The following NKAIN3 variants were observed in gnomAD, a reference collection of about 807,000 sequenced individuals.
NKAIN3 encodes sodium/potassium transporting ATPase interacting 3, also known as sodium/potassium-transporting ATPase subunit beta-1-interacting protein 3.
In NKAIN3, 25 loss-of-function variants were observed where a neutral mutation model predicts 30.2. The observed-to-expected ratio is 0.83, with a 90% CI of 0.60 to 1.16. The LOEUF is 1.16. Ranked by LOEUF, NKAIN3 falls within the 50% of genes most tolerant of loss-of-function variation. The probability of loss-of-function intolerance (pLI) is 0.00; values close to 1 mark genes in which losing one functional copy is unlikely to be tolerated. For synonymous variants in NKAIN3, 91 were observed against 89.6 expected (o/e 1.02, Z -0.09); for missense variants, 225 against 254.1 (o/e 0.89, Z 0.78).
At chr8:62,856,538 C>T (rs1248600292) in intron 4 of NKAIN3, 3 of 781,296 alleles carry the variant, frequency 3.8e-6, no homozygotes, top group East Asian at 2.4e-5. Context: ...TTGGTCCTGG[C>T]TCAGCTGGCT....
intron 1 of NKAIN3, among the ~76,000 whole-genome samples, chr8:62,280,453 A>C (rs1430589367): frequency 6.6e-6 from 1 of 152,084 alleles, no homozygotes; most frequent in African/African-American, 2.4e-5. Context: ...ATCTTGTGCC[A>C]GTTTTCAAAG....
intron 4 of NKAIN3, among the ~76,000 whole-genome samples, chr8:62,775,655 A>G (rs1160887706): frequency 8.6e-5 from 13 of 151,954 alleles, no homozygotes; most frequent in Admixed American, 8.5e-4. Flanking sequence ...TTCTTTATTG[A>G]CCCACTGGTC....
chr8:62,627,119 A>C (rs1162810909), intron 3 of NKAIN3, among the ~76,000 whole-genome samples: 1 of 152,162 alleles, frequency 6.6e-6, no homozygotes, highest in South Asian at 2.1e-4. Flanking sequence ...CAGAATACAC[A>C]ATCGTGAATG....
chr8:62,297,021 G>T (rs1010695633), intron 1 of NKAIN3, among the ~76,000 whole-genome samples: 20 of 152,186 alleles, frequency 1.3e-4, no homozygotes, highest in African/African-American at 4.8e-4. Flanking sequence ...AAATAGCTCT[G>T]CAATGCATTT....
At chr8:62,899,805 A>G (rs1821547000) in intron 4 of NKAIN3, among the ~76,000 whole-genome samples, 1 of 152,280 alleles carries the variant, frequency 6.6e-6, no homozygotes, top group Non-Finnish European at 1.5e-5. Context: ...ATTTTACATG[A>G]TGGGATTATT....
At chr8:62,985,330 T>A (rs372309622), downstream of NKAIN3, among the ~76,000 whole-genome samples, 1 of 152,230 alleles carries the variant, frequency 6.6e-6, no homozygotes, top group South Asian at 2.1e-4. Flanking sequence ...GGTTTTGTGG[T>A]AAATATACTC....
chr8:62,264,735 C>T (rs1019721127), intron 1 of NKAIN3, among the ~76,000 whole-genome samples: 1 of 152,152 alleles, frequency 6.6e-6, no homozygotes, highest in African/African-American at 2.4e-5. Flanking sequence ...TATGATACAG[C>T]ATCCTCACCC....
intron 2 of NKAIN3, among the ~76,000 whole-genome samples, chr8:62,581,060 G>T (rs186149801): frequency 2.7e-5 from 4 of 148,486 alleles, no homozygotes; most frequent in African/African-American, 1.0e-4. Flanking sequence ...CCATGATCAT[G>T]CCACTCCACT....
intron 1 of NKAIN3, among the ~76,000 whole-genome samples, chr8:62,565,338 A>G (rs1157563558): frequency 6.7e-6 from 1 of 149,026 alleles, no homozygotes; most frequent in Non-Finnish European, 1.5e-5. Context: ...ATGTATGTGC[A>G]TATGTATACA....
chr8:62,428,458 T>C (rs1181685198), intron 1 of NKAIN3, among the ~76,000 whole-genome samples: 1 of 151,908 alleles, frequency 6.6e-6, no homozygotes, highest in Admixed American at 6.6e-5. Context: ...ATTTGTATAA[T>C]CTCCAACAGT....
At chr8:62,731,893 C>G (rs1053021708) in intron 3 of NKAIN3, among the ~76,000 whole-genome samples, 1 of 152,032 alleles carries the variant, frequency 6.6e-6, no homozygotes, top group African/African-American at 2.4e-5. Context: ...GATTCTGCTT[C>G]TAGGAAACCC....
intron 4 of NKAIN3, among the ~76,000 whole-genome samples, chr8:62,853,800 A>G (rs1819982645): frequency 6.6e-6 from 1 of 151,826 alleles, no homozygotes; most frequent in Non-Finnish European, 1.5e-5. Flanking sequence ...TAAGTTGTTA[A>G]CTCGAGATCT....
intron 1 of NKAIN3, among the ~76,000 whole-genome samples, chr8:62,547,723 G>A (rs1230626097): frequency 5.3e-5 from 8 of 152,146 alleles, no homozygotes; most frequent in Admixed American, 3.9e-4. Flanking sequence ...CAAGTGTTGG[G>A]GTCAGCTGTT....
intron 4 of NKAIN3, among the ~76,000 whole-genome samples, chr8:62,818,073 A>G (rs1448284518): frequency 6.6e-6 from 1 of 152,180 alleles, no homozygotes; most frequent in African/African-American, 2.4e-5. Context: ...GTGTGACTTT[A>G]TGATAGAGCT....
At chr8:62,756,877 G>T (rs1816470437) in intron 4 of NKAIN3, among the ~76,000 whole-genome samples, 1 of 152,058 alleles carries the variant, frequency 6.6e-6, no homozygotes, top group South Asian at 2.1e-4. Context: ...TCAGTCTCTT[G>T]AGCCCTGATG....
intron 3 of NKAIN3, among the ~76,000 whole-genome samples, chr8:62,734,099 T>C (rs908500074): frequency 1.3e-5 from 2 of 152,050 alleles, no homozygotes; most frequent in Non-Finnish European, 2.9e-5. Flanking sequence ...CTGGGTGATA[T>C]AGTGGGACTT....
chr8:62,923,649 G>GA (rs1822347256), intron 5 of NKAIN3, among the ~76,000 whole-genome samples: 2 of 152,172 alleles, frequency 1.3e-5, no homozygotes, highest in African/African-American at 4.8e-5. Context: ...ACACTGCTGA[G>GA]AAAACAGGGA....
At chr8:62,562,090 C>T (rs1175200710) in intron 1 of NKAIN3, among the ~76,000 whole-genome samples, 1 of 152,134 alleles carries the variant, frequency 6.6e-6, no homozygotes, top group East Asian at 1.9e-4. Flanking sequence ...ACACTTAGAT[C>T]CCTGTCACTA....
chr8:62,396,653 A>G (rs1003306756), intron 1 of NKAIN3, among the ~76,000 whole-genome samples: 2 of 152,198 alleles, frequency 1.3e-5, no homozygotes, highest in South Asian at 4.1e-4. Context: ...ATAACCTGAT[A>G]ATTTTAGCCC....
Sources: gnomAD v4.1 joint callset for allele counts (sites outside exome capture counted in the v4.1 genomes callset) on GRCh38, gnomAD v4.1.1 for gene constraint, MANE v1.5 for transcripts, NCBI Gene and HGNC (gene_info 2026-07-23, HGNC 2026-07-21) for gene names.